PCDH15: variants seen among roughly 807,000 people sequenced by gnomAD.
PCDH15 encodes the protein protocadherin-15.
PCDH15 carries 129 observed loss-of-function variants against 178.5 expected under a neutral mutation model. The observed-to-expected ratio is 0.72, with a 90% CI of 0.63 to 0.84. The LOEUF is 0.84. PCDH15 is among the 40% of genes least tolerant of loss of function. PCDH15 has a pLI of 0.00. For synonymous variants in PCDH15, 800 were observed against 732.0 expected (o/e 1.09, Z -1.50); for missense variants, 2,230 against 2,099.9 (o/e 1.06, Z -1.21).
intron 3 of PCDH15, among the ~76,000 whole-genome samples, chr10:54,522,056 C>T (rs2082926596): frequency 7.3e-6 from 1 of 136,188 alleles, no homozygotes; most frequent in Admixed American, 7.8e-5. Context: ...CCGCTGCATT[C>T]CAGCCTGAGT....
chr10:54,271,252 C>A (rs570965493), intron 8 of PCDH15, among the ~76,000 whole-genome samples: 1 of 152,104 alleles, frequency 6.6e-6, no homozygotes, highest in Admixed American at 6.6e-5. Context: ...GCTCTGTCAC[C>A]TAGGCTGAAG....
intron 2 of PCDH15, among the ~76,000 whole-genome samples, chr10:55,143,843 A>G (rs1838420344): frequency 6.6e-6 from 1 of 152,088 alleles, no homozygotes; most frequent in African/African-American, 2.4e-5. Context: ...GGAGATAGTG[A>G]TTCAAATATG....
chr10:54,841,699 C>A (rs913032556), intron 3 of PCDH15, among the ~76,000 whole-genome samples: 10 of 151,520 alleles, frequency 6.6e-5, no homozygotes, highest in Non-Finnish European at 1.5e-4. Context: ...TTAATTTTAA[C>A]TGAAAAAAAT....
rs555589512 is a variant in PCDH15 at position 54,718,314 on chromosome 10, C to G, written c.-28-54024G>C. On this transcript the variant is annotated intron_variant, in intron 1 of 37. Coordinates refer to ENST00000644397, the MANE Select transcript of PCDH15 (RefSeq NM_001384140.1). Reference sequence around the variant, plus strand: ...TGACACAAGTCAACAGACAAGTCAACAGCAGTGGGGAATGAGATAGGCTTC... The same window carrying G: ...TGACACAAGTCAACAGACAAGTCAAGAGCAGTGGGGAATGAGATAGGCTTC... 1.6e-4 allele frequency among the ~76,000 whole-genome samples: 24 copies of G among 152,132 alleles called. No homozygotes were observed. The South Asian group carries it at 4.6e-3, about 29-fold the overall frequency.
chr10:54,871,732 T>C (rs1954045111), intron 3 of PCDH15, among the ~76,000 whole-genome samples: 1 of 152,048 alleles, frequency 6.6e-6, no homozygotes, highest in African/African-American at 2.4e-5. Flanking sequence ...TAAATTATTT[T>C]TGTTCATAAT....
intron 23 of PCDH15, among the ~76,000 whole-genome samples, chr10:53,942,793 A>G (rs564995743): frequency 2.0e-5 from 3 of 152,204 alleles, no homozygotes; most frequent in Non-Finnish European, 4.4e-5. Context: ...TCCAAAAAGG[A>G]GAGGACACAG....
intron 2 of PCDH15, among the ~76,000 whole-genome samples, chr10:55,582,966 T>TTATTAAA (rs1842653235): frequency 6.6e-6 from 1 of 152,122 alleles, no homozygotes; most frequent in Non-Finnish European, 1.5e-5. Flanking sequence ...TTTATTAAGT[T>TTATTAAA]ATCATGATGA....
chr10:55,491,908 A>G (rs1840427421), intron 2 of PCDH15, among the ~76,000 whole-genome samples: 2 of 151,328 alleles, frequency 1.3e-5, no homozygotes, highest in Non-Finnish European at 3.0e-5. Context: ...AGCTGCACCT[A>G]CTCAAGGGCA....
At chr10:55,179,771 G>T (rs1249021676) in intron 1 of PCDH15, among the ~76,000 whole-genome samples, 1 of 151,772 alleles carries the variant, frequency 6.6e-6, no homozygotes, top group Non-Finnish European at 1.5e-5. Context: ...GTTTCTGCTT[G>T]CTGATCTGCA....
At chr10:53,941,075 T>C (rs2086021898) in intron 23 of PCDH15, 100 bp from the exon 24 acceptor site, 2 of 805,160 alleles carry the variant, frequency 2.5e-6, no homozygotes, top group Non-Finnish European at 4.2e-6. Flanking sequence ...AGATTTCTGA[T>C]ATACCCTCTG....
At chr10:54,841,490 A>G (rs115140532) in intron 3 of PCDH15, among the ~76,000 whole-genome samples, 2,190 of 151,834 alleles carry the variant, frequency 0.014, 51 homozygotes, top group African/African-American at 0.05. Flanking sequence ...TTACATATCA[A>G]AGAACTAGGG....
At chr10:54,379,045 G>T in intron 3 of PCDH15, 103 bp from the exon 4 acceptor site, 2 of 1,287,488 alleles carry the variant, frequency 1.6e-6, no homozygotes, top group African/African-American at 1.5e-5. Flanking sequence ...CAGTTTTAAA[G>T]CTGAAAATAC....
chr10:54,524,543 C>T (rs186058712), intron 3 of PCDH15, among the ~76,000 whole-genome samples: 164 of 152,290 alleles, frequency 1.1e-3, no homozygotes, highest in African/African-American at 3.8e-3. Flanking sequence ...TTTAAGTAGT[C>T]CCAGAGTAAC....
chr10:55,483,282 A>T (rs144102716), intron 2 of PCDH15, among the ~76,000 whole-genome samples: 14 of 35,772 alleles, frequency 3.9e-4, no homozygotes. Flanking sequence ...AAATTTTTAC[A>T]AAAAAAAATC....
intron 3 of PCDH15, among the ~76,000 whole-genome samples, chr10:54,816,695 T>C (rs574352355): frequency 6.6e-6 from 1 of 152,218 alleles, no homozygotes; most frequent in African/African-American, 2.4e-5. Flanking sequence ...TGTTTCACAA[T>C]AGAGTAGACT....
intron 8 of PCDH15, among the ~76,000 whole-genome samples, chr10:54,284,160 A>G (rs757864865): frequency 3.3e-4 from 50 of 152,182 alleles, no homozygotes; most frequent in Non-Finnish European, 6.8e-4. Flanking sequence ...AATAAATTAT[A>G]TTTAACAAAA....
chr10:53,828,003 T>C (rs11003868), intron 31 of PCDH15, among the ~76,000 whole-genome samples: 60,062 of 151,646 alleles, frequency 0.4, 12,640 homozygotes, highest in East Asian at 0.75. Context: ...TGTACACACA[T>C]GTACAAGGGA....
Position 54,168,971 on chromosome 10 carries a change from T to C in PCDH15, c.1590+14473A>G, listed in dbSNP as rs1020326862. 8.5e-4 allele frequency among the ~76,000 whole-genome samples: 130 copies of C among 152,206 alleles called. 1 individual carries two copies. The East Asian group carries it at 0.016, about 19-fold the overall frequency. ...TCTCCAGCACAAAAGAACTTCCAAA[T>C]GCCTGAACCGCAGCGGCCAGGCGTT... On this transcript the variant is annotated intron_variant, in intron 13 of 37. Coordinates refer to ENST00000644397, the MANE Select transcript of PCDH15 (RefSeq NM_001384140.1).
At chr10:54,710,727 G>GA (rs1158692415) in intron 1 of PCDH15, among the ~76,000 whole-genome samples, 1 of 151,874 alleles carries the variant, frequency 6.6e-6, no homozygotes, top group Non-Finnish European at 1.5e-5. Context: ...ATTTTAGCAG[G>GA]AAAAAATGAA....
Sources: allele counts gnomAD v4.1 joint callset (sites outside exome capture counted in the v4.1 genomes callset), GRCh38; gene constraint gnomAD v4.1.1; transcripts MANE v1.5; gene names NCBI Gene and HGNC (gene_info 2026-07-23, HGNC 2026-07-21).